Variants in CSMD3 observed in about 807,000 individuals in gnomAD.
CSMD3 encodes the protein CUB and sushi domain-containing protein 3.
A neutral mutation model predicts 435.2 loss-of-function variants in CSMD3; 177 were observed. That is an observed-to-expected ratio of 0.41 (90% CI 0.36 to 0.46). The LOEUF (loss-of-function observed/expected upper bound fraction) is 0.46. Among genes scored for constraint, CSMD3 ranks in the 20% least tolerant of loss-of-function variants. The pLI is 0.34. For synonymous variants in CSMD3, 1,656 were observed against 1,520.5 expected (o/e 1.09, Z -2.07); for missense variants, 4,265 against 4,504.6 (o/e 0.95, Z 1.52).
At chr8:113,208,536 T>C (rs2092796770) in intron 3 of CSMD3, among the ~76,000 whole-genome samples, 1 of 152,162 alleles carries the variant, frequency 6.6e-6, no homozygotes, top group South Asian at 2.1e-4. Flanking sequence ...TCCCACAATG[T>C]TTCTTTTCTG....
chr8:112,825,028 A>G (rs537418320), intron 12 of CSMD3, among the ~76,000 whole-genome samples: 10 of 152,110 alleles, frequency 6.6e-5, no homozygotes, highest in South Asian at 2.1e-4. Flanking sequence ...TATTTAATCT[A>G]GTCTGCATGC....
chr8:112,927,153 T>A (rs1486677998), intron 9 of CSMD3, among the ~76,000 whole-genome samples: 1 of 152,138 alleles, frequency 6.6e-6, no homozygotes, highest in Non-Finnish European at 1.5e-5. Flanking sequence ...ATTTCAAAAA[T>A]GAGTAATTGC....
chr8:113,309,692 C>G (rs763757692), intron 2 of CSMD3: 10 of 152,146 alleles, frequency 6.6e-5, no homozygotes, highest in Non-Finnish European at 1.2e-4. Context: ...TTTTAAATCA[C>G]AACTTTGGAA....
intron 32 of CSMD3, among the ~76,000 whole-genome samples, chr8:112,470,024 G>C (rs2130737819): frequency 6.6e-6 from 1 of 152,258 alleles, no homozygotes; most frequent in South Asian, 2.1e-4. Flanking sequence ...AATCTGATTT[G>C]TAGAGATCCA....
At chr8:112,365,090 T>C (rs975043741) in intron 38 of CSMD3, among the ~76,000 whole-genome samples, 3 of 152,042 alleles carry the variant, frequency 2.0e-5, no homozygotes, top group African/African-American at 7.2e-5. Flanking sequence ...CTCCACTAAA[T>C]AATGTTTAAA....
chr8:112,998,101 T>A (rs912406078), intron 6 of CSMD3, among the ~76,000 whole-genome samples: 4 of 151,736 alleles, frequency 2.6e-5, no homozygotes, highest in Non-Finnish European at 5.9e-5. Flanking sequence ...TAATTTTATT[T>A]TTTATGTTGG....
intron 32 of CSMD3, among the ~76,000 whole-genome samples, chr8:112,442,052 A>G (rs1414627801): frequency 6.6e-6 from 1 of 152,210 alleles, no homozygotes; most frequent in Non-Finnish European, 1.5e-5. Context: ...TGGCTCATGG[A>G]TCTGTAGGTT....
chr8:113,129,936 T>A (rs1240468282), intron 4 of CSMD3, among the ~76,000 whole-genome samples: 1 of 151,940 alleles, frequency 6.6e-6, no homozygotes, highest in South Asian at 2.1e-4. Flanking sequence ...TACTTATATA[T>A]GCTAATTTTA....
In CSMD3 at chr8:112,994,734, C is replaced by T. The variant is rs925327367; in HGVS notation, c.1031-18586G>A. 1.3e-4 allele frequency among the ~76,000 whole-genome samples: 20 copies of T among 151,580 alleles called. 1 individual carries two copies. Among genetic ancestry groups the T allele is most frequent in the Admixed American group, 7.9e-4 (12 of 15,144 alleles). On this transcript the variant is annotated intron_variant, in intron 6 of 70. Transcript: ENST00000297405. ...ACATCTTCATATTCAGGCCTTTTCA[C>T]GTTATAGTACAGACCAGTGTAGCTC... is the stretch of plus-strand genomic sequence containing the variant.
intron 23 of CSMD3, among the ~76,000 whole-genome samples, chr8:112,582,616 T>C (rs1830415850): frequency 2.6e-5 from 4 of 151,750 alleles, no homozygotes; most frequent in African/African-American, 9.7e-5. Flanking sequence ...CAAAAAAAGG[T>C]TTAGAGCCAA....
chr8:113,304,992 T>G (rs950454656), intron 2 of CSMD3, among the ~76,000 whole-genome samples: 25 of 149,754 alleles, frequency 1.7e-4, no homozygotes, highest in African/African-American at 4.9e-4. Context: ...TGAGTTCATG[T>G]CCTTTGTAGG....
chr8:112,234,520 T>C (rs1813392272), intron 67 of CSMD3, 43 bp from the exon 68 acceptor site: 1 of 983,650 alleles, frequency 1.0e-6, no homozygotes, highest in African/African-American at 1.6e-5. Context: ...ACTTTGTAAA[T>C]AGTTATACTT....
chr8:113,341,231 G>A (rs62521101), intron 1 of CSMD3, among the ~76,000 whole-genome samples: 3,423 of 152,050 alleles, frequency 0.023, 63 homozygotes, highest in Admixed American at 0.064. Context: ...AAAGCCTCTC[G>A]TAGCTATTTT....
At chr8:112,893,212 C>T (rs534591753) in intron 10 of CSMD3, among the ~76,000 whole-genome samples, 2 of 151,502 alleles carry the variant, frequency 1.3e-5, no homozygotes, top group Admixed American at 6.6e-5. Flanking sequence ...TCACAACAAC[C>T]TGTGGCAGTA....
chr8:112,422,108 T>A (rs902341758), intron 32 of CSMD3, among the ~76,000 whole-genome samples: 4 of 152,042 alleles, frequency 2.6e-5, no homozygotes, highest in Admixed American at 2.6e-4. Flanking sequence ...GGTGGACAGG[T>A]CACATTAAAA....
intron 1 of CSMD3, chr8:113,376,883 T>C: frequency 1.9e-6 from 3 of 1,607,134 alleles, no homozygotes; most frequent in South Asian, 2.2e-5. Context: ...AAGATGAAGC[T>C]TCCTGGCCGG....
At chr8:113,002,224 A>C (rs545246031) in intron 6 of CSMD3, among the ~76,000 whole-genome samples, 1 of 152,106 alleles carries the variant, frequency 6.6e-6, no homozygotes, top group Non-Finnish European at 1.5e-5. Flanking sequence ...AGACTCCCGG[A>C]GCAGCTAAAA....
At chr8:112,996,559 C>T (rs2085659827) in intron 6 of CSMD3, among the ~76,000 whole-genome samples, 1 of 151,514 alleles carries the variant, frequency 6.6e-6, no homozygotes, top group Non-Finnish European at 1.5e-5. Flanking sequence ...TTAAAGTGCA[C>T]TCACTGAGAA....
intron 11 of CSMD3, among the ~76,000 whole-genome samples, chr8:112,836,111 C>T (rs1357169074): frequency 2.0e-5 from 3 of 151,776 alleles, no homozygotes; most frequent in Admixed American, 2.0e-4. Flanking sequence ...ATGGAGAAGC[C>T]AGTGTATCAC....
Sources: allele counts gnomAD v4.1 joint callset (sites outside exome capture counted in the v4.1 genomes callset), GRCh38; gene constraint gnomAD v4.1.1; transcripts MANE v1.5; gene names NCBI Gene and HGNC (gene_info 2026-07-23, HGNC 2026-07-21).